The following SMC1A variants were observed in gnomAD, a reference collection of about 807,000 sequenced individuals.
SMC1A encodes the protein structural maintenance of chromosomes 1A, also known as structural maintenance of chromosomes protein 1A.
In SMC1A, 4 loss-of-function variants were observed where a neutral mutation model predicts 94.5. The ratio of observed to expected loss-of-function variants is 0.04; its 90% CI spans 0.02 to 0.10. SMC1A has a LOEUF of 0.10. Among genes scored for constraint, SMC1A ranks in the 10% least tolerant of loss-of-function variants. The pLI is 1.00. For synonymous variants in SMC1A, 345 were observed against 347.7 expected (o/e 0.99, Z 0.09); for missense variants, 304 against 989.0 (o/e 0.31, Z 9.29).
intron 19 of SMC1A, among the ~76,000 whole-genome samples, chrX:53,390,973 C>CAAAAAAAAAAAAAAAAAAAAAAAAAAAAA (rs782771730): frequency 5.8e-5 from 2 of 34,323 alleles, no homozygotes; most frequent in African/African-American, 1.4e-4. Flanking sequence ...GACTCCGTCT[C>CAAAAAAAAAAAAAAAAAAAAAAAAAAAAA]AAAAAAAAAA....
intron 19 of SMC1A, 21 bp downstream of exon 19, chrX:53,394,757 A>ACCCCCCCC: frequency 3.5e-6 from 1 of 284,076 alleles, no homozygotes; most frequent in Non-Finnish European, 6.0e-6. Context: ...CCCCCACCAC[A>ACCCCCCCC]CCCCTGTGGT....
chrX:53,383,760 C>A (rs2075594213), intron 19 of SMC1A, among the ~76,000 whole-genome samples: 1 of 112,649 alleles, frequency 8.9e-6, no homozygotes. Context: ...TGCCTTTCTG[C>A]CACTTTCAGT....
intron 19 of SMC1A, among the ~76,000 whole-genome samples, chrX:53,390,258 C>T (rs940082877): frequency 1.9e-5 from 2 of 107,556 alleles, no homozygotes; most frequent in East Asian, 3.0e-4. Flanking sequence ...GAGGCCAAGG[C>T]GGGCGGATCA....
chrX:53,381,150 G>GC, intron 22 of SMC1A, 63 bp from the exon 23 acceptor site: 2 of 559,900 alleles, frequency 3.6e-6, no homozygotes, highest in Non-Finnish European at 6.3e-6. Flanking sequence ...GGCGGGGTGG[G>GC]ACAGCCCCAG....
At chrX:53,418,807 C>T (rs896653527) in intron 1 of SMC1A, among the ~76,000 whole-genome samples, 28 of 111,548 alleles carry the variant, frequency 2.5e-4, no homozygotes, top group African/African-American at 9.1e-4. Flanking sequence ...CTTTGAAAGG[C>T]CGAGGCAGGC....
intron 3 of SMC1A, 99 bp from the exon 4 acceptor site, chrX:53,413,534 T>C (rs1230251414): frequency 1.3e-6 from 1 of 765,150 alleles, no homozygotes; most frequent in Non-Finnish European, 1.9e-6. Context: ...ACCAACTTTC[T>C]CTCCCATGCC....
intron 7 of SMC1A, 114 bp downstream of exon 7, chrX:53,411,647 A>C (rs1556890531): frequency 4.2e-6 from 4 of 948,383 alleles, no homozygotes; most frequent in Admixed American, 4.7e-5. Context: ...TCTAATCCAA[A>C]ATGCTTAGGA....
chrX:53,407,343 A>G (rs1413421315), intron 9 of SMC1A, among the ~76,000 whole-genome samples: 3 of 112,068 alleles, frequency 2.7e-5, no homozygotes, highest in African/African-American at 9.7e-5. Context: ...AATCATGACT[A>G]CATAATGAAG....
intron 15 of SMC1A, among the ~76,000 whole-genome samples, chrX:53,400,394 C>T (rs781839589): frequency 8.9e-6 from 1 of 111,902 alleles, no homozygotes; most frequent in South Asian, 3.7e-4. Context: ...CCTGTTTCCC[C>T]ATCTGCAAAA....
At chrX:53,409,527 C>T (rs1751037294) in intron 7 of SMC1A, 24 bp from the exon 8 acceptor site, 1 of 1,164,773 alleles carries the variant, frequency 8.6e-7, no homozygotes, top group South Asian at 1.8e-5. Flanking sequence ...ATTCCATCAT[C>T]AGGGGCTGCA....
intron 19 of SMC1A, among the ~76,000 whole-genome samples, chrX:53,391,004 G>GAAAA (rs1175710151): frequency 1.9e-5 from 1 of 54,009 alleles, no homozygotes; most frequent in Non-Finnish European, 3.4e-5. Flanking sequence ...AAAAGAAAAA[G>GAAAA]AAAAAAAAAA....
chrX:53,409,459 C>T lies in SMC1A; in HGVS notation c.1299G>A (p.Lys433=). The T allele has an allele frequency of 8.3e-7, 1 of 1,210,748 alleles. No homozygotes were observed. Among genetic ancestry groups the T allele is most frequent in the East Asian group, 3.0e-5 (1 of 33,848 alleles). ...TGTATTCCTCCAGTTTCTCAATCCG[C>T]TTCTGATTCTCTTCAATTTCCCGCA... ...QKLREIEENQ[K]RIEKLEEYIT... The change falls in exon 8 of 25, where the codon AAG becomes AAA. Residue 433 remains lysine, a synonymous_variant. Transcript: ENST00000322213.
intron 19 of SMC1A, among the ~76,000 whole-genome samples, chrX:53,394,359 G>T (rs920689452): frequency 3.6e-5 from 4 of 109,753 alleles, no homozygotes; most frequent in African/African-American, 1.3e-4. Context: ...CTAGCATAGA[G>T]ATTGCAGCGG....
chrX:53,400,496 G>A (rs1234370825), intron 15 of SMC1A, among the ~76,000 whole-genome samples: 3 of 111,501 alleles, frequency 2.7e-5, no homozygotes, highest in Non-Finnish European at 5.6e-5. Flanking sequence ...CCGAGTCCAC[G>A]ATAACTACTC....
chrX:53,394,710 C>A (rs1174837167), intron 19 of SMC1A, 68 bp downstream of exon 19: 2 of 687,808 alleles, frequency 2.9e-6, no homozygotes, highest in Non-Finnish European at 4.5e-6. Context: ...CCTCTCTGGA[C>A]AACTAGGAAG....
intron 10 of SMC1A, 28 bp downstream of exon 10, chrX:53,405,743 G>A: frequency 8.3e-7 from 1 of 1,208,309 alleles, no homozygotes; most frequent in Non-Finnish European, 1.1e-6. Flanking sequence ...TTGAACACTG[G>A]CCTGACCCAA....
intron 1 of SMC1A, among the ~76,000 whole-genome samples, chrX:53,419,527 C>CA (rs1248197053): frequency 0.048 from 4,349 of 90,625 alleles, 130 homozygotes; most frequent in Non-Finnish European, 0.073. Flanking sequence ...ACCCTGACTC[C>CA]AAAAAAAAAA....
chrX:53,386,554 C>A (rs1193617842), intron 19 of SMC1A, among the ~76,000 whole-genome samples: 4 of 111,427 alleles, frequency 3.6e-5, no homozygotes, highest in South Asian at 3.8e-4. Flanking sequence ...CACGACCACA[C>A]TTCCTTCAAA....
Position 53,409,365 on chromosome X carries a change from G to C in SMC1A, c.1337+56C>G, listed in dbSNP as rs1410208615. 2.6e-6 allele frequency: 3 copies of C among 1,152,989 alleles called. No homozygotes were observed. In the African/African-American group the frequency reaches 5.4e-5, roughly 21 times the overall value. On this transcript the variant is annotated intron_variant, in intron 8 of 24. Coordinates refer to ENST00000322213, the MANE Select transcript of SMC1A (RefSeq NM_006306.4). ...GGTCCTGCATGAAGAGGGGCATGTA[G>C]GTAGGGTCACAAGAACAGGCCTGGA... is the stretch of plus-strand genomic sequence containing the variant.
Sources: allele counts gnomAD v4.1 joint callset (sites outside exome capture counted in the v4.1 genomes callset), GRCh38; gene constraint gnomAD v4.1.1; transcripts MANE v1.5; gene names NCBI Gene and HGNC (gene_info 2026-07-23, HGNC 2026-07-21).